Variants in FAM163A observed in about 807,000 individuals in gnomAD.
The protein encoded by FAM163A is family with sequence similarity 163 member A.
In FAM163A, 7 loss-of-function variants were observed where a neutral mutation model predicts 12.0. The ratio of observed to expected loss-of-function variants is 0.58; its 90% CI spans 0.33 to 1.10. The LOEUF (loss-of-function observed/expected upper bound fraction) is 1.10, where lower values mean the gene tolerates loss of function less well. FAM163A is among the 50% of genes least tolerant of loss of function. The pLI, the probability that FAM163A is intolerant of heterozygous loss-of-function variation, is 0.03. For missense variants in FAM163A, 202 were observed against 218.6 expected, an observed-to-expected ratio of 0.92 and a Z score of 0.48; for synonymous variants, 101 against 91.0, an observed-to-expected ratio of 1.11 and a Z score of -0.62.
intron 1 of FAM163A, among the ~76,000 whole-genome samples, chr1:179,782,347 G>A (rs1198824435): frequency 6.6e-6 from 1 of 152,110 alleles, no homozygotes; most frequent in African/African-American, 2.4e-5. Context: ...ATGTAAGGCT[G>A]TGGGGGCAGA....
intron 1 of FAM163A, among the ~76,000 whole-genome samples, chr1:179,804,908 T>A (rs548292799): frequency 3.3e-4 from 50 of 152,302 alleles, no homozygotes; most frequent in African/African-American, 1.2e-3. Flanking sequence ...CCCCATGACA[T>A]GAGTTGACCT....
chr1:179,734,332 G>A, the FAM163A span, among the ~76,000 whole-genome samples: 1 of 152,214 alleles, frequency 6.6e-6, no homozygotes, highest in Non-Finnish European at 1.5e-5. Context: ...TGACTAAACA[G>A]TACTTGACAT....
chr1:179,760,946 C>T (rs11580941), intron 1 of FAM163A, among the ~76,000 whole-genome samples: 15,658 of 152,266 alleles, frequency 0.1, 1,283 homozygotes, highest in African/African-American at 0.23. Context: ...TCTTCTACGC[C>T]ATGTGCCCAC....
intron 1 of FAM163A, among the ~76,000 whole-genome samples, chr1:179,787,132 G>A (rs1212592157): frequency 6.6e-6 from 1 of 152,234 alleles, no homozygotes; most frequent in African/African-American, 2.4e-5. Flanking sequence ...AAAACATTAA[G>A]TGGTCATGGA....
At chr1:179,809,880 C>T (rs1161097502) in intron 2 of FAM163A, among the ~76,000 whole-genome samples, 2 of 152,148 alleles carry the variant, frequency 1.3e-5, no homozygotes, top group Non-Finnish European at 2.9e-5. Context: ...CATCTGACCC[C>T]GCCTCCAGAT....
rs189543940 is a variant in FAM163A, at chr1:179,781,888, C to T, written c.-135-25910C>T. Among the ~76,000 whole-genome samples the T allele has an allele frequency of 2.2e-3, 317 of 146,218 alleles. 2 individuals are homozygous for T. The highest frequency in any genetic ancestry group is 7.7e-3 in the African/African-American group (306 of 39,524). ...GGCGGAGGTCACAGTGAGCCAAGATCGTGCTGCTGCACTCTAGCCTGGGCA... is the reference window on the plus strand; with the variant it reads ...GGCGGAGGTCACAGTGAGCCAAGATTGTGCTGCTGCACTCTAGCCTGGGCA... On this transcript the variant is annotated intron_variant, in intron 1 of 4. Transcript: ENST00000341785.
chr1:179,814,068 A>G lies in FAM163A; in HGVS notation c.383A>G (p.Tyr128Cys). Residue 128 changes from tyrosine (Y) to cysteine (C), a missense_variant, in exon 5 of 5, where the codon TAC becomes TGC. Coordinates refer to ENST00000341785, the MANE Select transcript of FAM163A (RefSeq NM_173509.3). ...GGERLSFAPTYYKEGGPPSLK... is the reference protein window; with the variant it reads ...GGERLSFAPTCYKEGGPPSLK... ...GAGAGGCTCTCCTTTGCTCCCACAT[A>G]CTACAAAGAGGGGGGACCCCCATCC... is the stretch of plus-strand genomic sequence containing the variant. The G allele has an allele frequency of 6.2e-7, 1 of 1,614,040 alleles. No homozygotes were observed. The highest frequency in any genetic ancestry group is 8.5e-7 in the Non-Finnish European group (1 of 1,179,994).
chr1:179,728,909 G>A, the FAM163A span, among the ~76,000 whole-genome samples: 1 of 152,088 alleles, frequency 6.6e-6, no homozygotes, highest in South Asian at 2.1e-4. Context: ...CAAGACCTGG[G>A]CATATGTGCA....
intron 1 of FAM163A, among the ~76,000 whole-genome samples, chr1:179,753,170 A>G (rs1231110969): frequency 6.6e-6 from 1 of 152,210 alleles, no homozygotes; most frequent in Non-Finnish European, 1.5e-5. Flanking sequence ...TGCAACACAG[A>G]TGAACCTTGA....
At chr1:179,800,035 T>C (rs575833225) in intron 1 of FAM163A, among the ~76,000 whole-genome samples, 19 of 152,294 alleles carry the variant, frequency 1.2e-4, no homozygotes, top group Middle Eastern at 3.4e-3. Flanking sequence ...CCAATAAACA[T>C]GGCATGCTCT....
At chr1:179,752,840 TG>T (rs1189001493) in intron 1 of FAM163A, among the ~76,000 whole-genome samples, 1 of 152,144 alleles carries the variant, frequency 6.6e-6, no homozygotes, top group Non-Finnish European at 1.5e-5. Flanking sequence ...GTGCACTGTT[TG>T]TGGGGGGGAT....
At chr1:179,780,478 C>T (rs910922026) in intron 1 of FAM163A, among the ~76,000 whole-genome samples, 1 of 152,180 alleles carries the variant, frequency 6.6e-6, no homozygotes, top group Non-Finnish European at 1.5e-5. Context: ...CGCATAAGCT[C>T]GGTGATCGTT....
At chr1:179,754,989 T>C (rs556660853) in intron 1 of FAM163A, among the ~76,000 whole-genome samples, 1 of 152,086 alleles carries the variant, frequency 6.6e-6, no homozygotes, top group Non-Finnish European at 1.5e-5. Flanking sequence ...ATACAAAAAT[T>C]AGCTGGGTGT....
chr1:179,793,350 A>C (rs566797543), intron 1 of FAM163A, among the ~76,000 whole-genome samples: 1 of 152,336 alleles, frequency 6.6e-6, no homozygotes, highest in East Asian at 1.9e-4. Flanking sequence ...ATTTGAAAGC[A>C]GGTTATACTT....
At chr1:179,752,378 A>G (rs1685397485) in intron 1 of FAM163A, among the ~76,000 whole-genome samples, 1 of 152,026 alleles carries the variant, frequency 6.6e-6, no homozygotes. Context: ...GCTTCATCAC[A>G]TTAGTCTTGG....
At chr1:179,798,610 CT>C (rs1000702181) in intron 1 of FAM163A, among the ~76,000 whole-genome samples, 1 of 152,222 alleles carries the variant, frequency 6.6e-6, no homozygotes, top group Non-Finnish European at 1.5e-5. Flanking sequence ...CCCTGACATG[CT>C]TTTTAAGGTC....
At chr1:179,790,882 C>T (rs1423044912) in intron 1 of FAM163A, among the ~76,000 whole-genome samples, 1 of 152,122 alleles carries the variant, frequency 6.6e-6, no homozygotes, top group Non-Finnish European at 1.5e-5. Context: ...GGAAATTCCT[C>T]CAAAACCCGG....
At chr1:179,743,793 G>A (rs1372714767) in intron 1 of FAM163A, among the ~76,000 whole-genome samples, 2 of 152,110 alleles carry the variant, frequency 1.3e-5, no homozygotes, top group Non-Finnish European at 2.9e-5. Context: ...GGGCCGTGCC[G>A]AAGGCGCTCT....
At chr1:179,762,455 A>T (rs1686952244) in intron 1 of FAM163A, among the ~76,000 whole-genome samples, 1 of 152,126 alleles carries the variant, frequency 6.6e-6, no homozygotes, top group Admixed American at 6.5e-5. Flanking sequence ...TGCTGTTTTC[A>T]TTTGCAGATT....
Sources: gnomAD v4.1 joint callset for allele counts (sites outside exome capture counted in the v4.1 genomes callset) on GRCh38, gnomAD v4.1.1 for gene constraint, MANE v1.5 for transcripts, NCBI Gene and HGNC (gene_info 2026-07-23, HGNC 2026-07-21) for gene names.